SPAG16: variants seen among roughly 807,000 people sequenced by gnomAD.
SPAG16 encodes sperm associated antigen 16, also known as sperm-associated antigen 16 protein.
SPAG16 carries 86 observed loss-of-function variants against 80.4 expected under a neutral mutation model. The observed-to-expected ratio is 1.07, with a 90% CI of 0.90 to 1.28. The LOEUF (loss-of-function observed/expected upper bound fraction) is 1.28. Among genes scored for constraint, SPAG16 ranks in the 50% most tolerant of loss-of-function variants. The pLI is 0.00. For synonymous variants in SPAG16, 294 were observed against 265.9 expected (o/e 1.11, Z -1.03); for missense variants, 870 against 765.3 (o/e 1.14, Z -1.61).
At chr2:213,314,250 A>T (rs758351205) in intron 4 of SPAG16, among the ~76,000 whole-genome samples, 11 of 151,862 alleles carry the variant, frequency 7.2e-5, no homozygotes, top group Non-Finnish European at 1.2e-4. Flanking sequence ...ATTAGTGATA[A>T]TTTTATTGGC....
intron 14 of SPAG16, among the ~76,000 whole-genome samples, chr2:214,125,645 A>T (rs2054437446): frequency 1.3e-5 from 2 of 151,796 alleles, no homozygotes; most frequent in Admixed American, 6.7e-5. Flanking sequence ...CTGTTTTTAT[A>T]AATCAAATTA....
chr2:213,465,409 T>C (rs557167058), intron 9 of SPAG16, among the ~76,000 whole-genome samples: 1 of 152,290 alleles, frequency 6.6e-6, no homozygotes, highest in African/African-American at 2.4e-5. Flanking sequence ...ATTCTGTCTG[T>C]AAAGAGAGTC....
At chr2:214,216,648 G>A (rs1334565899) in intron 15 of SPAG16, among the ~76,000 whole-genome samples, 1 of 152,138 alleles carries the variant, frequency 6.6e-6, no homozygotes, top group Non-Finnish European at 1.5e-5. Flanking sequence ...ATGAAATCTT[G>A]GAGCACAGTA....
intron 14 of SPAG16, among the ~76,000 whole-genome samples, chr2:214,133,722 A>G (rs2054903667): frequency 6.6e-6 from 1 of 152,140 alleles, no homozygotes; most frequent in African/African-American, 2.4e-5. Context: ...GAAGTGAGGA[A>G]GTTCACTGCA....
At chr2:213,351,886 C>T (rs1310811879) in intron 7 of SPAG16, among the ~76,000 whole-genome samples, 3 of 151,972 alleles carry the variant, frequency 2.0e-5, no homozygotes, top group Non-Finnish European at 2.9e-5. Context: ...GGCTGTGTCC[C>T]CATCCAAATC....
At chr2:213,802,673 G>A (rs1394797613) in intron 10 of SPAG16, among the ~76,000 whole-genome samples, 2 of 152,080 alleles carry the variant, frequency 1.3e-5, no homozygotes, top group African/African-American at 2.4e-5. Flanking sequence ...ATAACATTAA[G>A]AGTATTCATG....
intron 10 of SPAG16, among the ~76,000 whole-genome samples, chr2:213,658,524 G>C (rs968779564): frequency 3.3e-5 from 5 of 152,178 alleles, no homozygotes; most frequent in Non-Finnish European, 7.3e-5. Flanking sequence ...GGCAAGCACT[G>C]TTCTAAGCAC....
At chr2:213,849,396 G>T (rs904459419) in intron 10 of SPAG16, among the ~76,000 whole-genome samples, 1 of 152,100 alleles carries the variant, frequency 6.6e-6, no homozygotes, top group South Asian at 2.1e-4. Flanking sequence ...CATGAGATTT[G>T]TTGGAAACAA....
chr2:213,786,651 G>C (rs2070361540), intron 10 of SPAG16, among the ~76,000 whole-genome samples: 3 of 152,192 alleles, frequency 2.0e-5, no homozygotes, highest in Admixed American at 2.0e-4. Context: ...TATGCAAACT[G>C]TGTATTCATA....
intron 10 of SPAG16, among the ~76,000 whole-genome samples, chr2:213,764,057 C>G (rs1243580336): frequency 1.3e-5 from 2 of 152,190 alleles, no homozygotes; most frequent in Non-Finnish European, 2.9e-5. Flanking sequence ...AAGATACCCT[C>G]AAAGACTCAG....
chr2:213,977,922 C>A (rs904398881), intron 12 of SPAG16, among the ~76,000 whole-genome samples: 16 of 152,004 alleles, frequency 1.1e-4, no homozygotes, highest in Admixed American at 3.3e-4. Flanking sequence ...CTCTTCTCTA[C>A]CCTCTTCCAC....
At chr2:214,157,515 G>A (rs887456028) in intron 15 of SPAG16, among the ~76,000 whole-genome samples, 14 of 151,958 alleles carry the variant, frequency 9.2e-5, no homozygotes, top group Admixed American at 7.9e-4. Flanking sequence ...TAATAATGGG[G>A]ACACCTTGAA....
In SPAG16 at chr2:214,181,731, A is replaced by C. The variant is rs568333802; in HGVS notation, c.1720+32465A>C. Among the ~76,000 whole-genome samples, 16 of 151,940 alleles carry C rather than the reference A, an allele frequency of 1.1e-4. No individual in the cohort carries two copies. The South Asian group carries it at 2.9e-3, about 28-fold the overall frequency. On this transcript the variant is annotated intron_variant, in intron 15 of 15. Coordinates refer to ENST00000331683, the MANE Select transcript of SPAG16 (RefSeq NM_024532.5). ...CATTGTCACTTCCATAAGATGTAAA[A>C]TTGTATATTTTAGCCCAGCAAGTAC... is the stretch of plus-strand genomic sequence containing the variant.
chr2:214,257,402 A>G (rs997944906), intron 15 of SPAG16, among the ~76,000 whole-genome samples: 2 of 151,998 alleles, frequency 1.3e-5, no homozygotes, highest in Non-Finnish European at 2.9e-5. Flanking sequence ...TAAGACCTCC[A>G]GTAAAATGTT....
chr2:214,091,556 G>A (rs1021078153), intron 13 of SPAG16, among the ~76,000 whole-genome samples: 1 of 152,080 alleles, frequency 6.6e-6, no homozygotes, highest in African/African-American at 2.4e-5. Context: ...TTAGAACCAC[G>A]CCTGGCATAT....
chr2:213,942,403 C>T (rs1417712124), intron 12 of SPAG16, among the ~76,000 whole-genome samples: 1 of 152,202 alleles, frequency 6.6e-6, no homozygotes, highest in African/African-American at 2.4e-5. Flanking sequence ...CTCACTTTTT[C>T]TCTGAGTGAC....
At chr2:213,357,241 G>C (rs2065709704) in intron 7 of SPAG16, among the ~76,000 whole-genome samples, 1 of 152,098 alleles carries the variant, frequency 6.6e-6, no homozygotes, top group Non-Finnish European at 1.5e-5. Flanking sequence ...TTTTGATTTG[G>C]GGTAGAGAGT....
At chr2:213,796,913 C>T (rs1429023447) in intron 10 of SPAG16, among the ~76,000 whole-genome samples, 5 of 118,322 alleles carry the variant, frequency 4.2e-5, no homozygotes, top group Non-Finnish European at 7.8e-5. Flanking sequence ...ATGACAGCTG[C>T]ATGCATGTTA....
chr2:214,299,481 CTCA>C (rs1434792995), intron 15 of SPAG16, among the ~76,000 whole-genome samples: 2 of 151,892 alleles, frequency 1.3e-5, no homozygotes, highest in African/African-American at 4.8e-5. Flanking sequence ...ATCTCTTGAC[CTCA>C]TCATTCGCCT....
Sources: gnomAD v4.1 joint callset for allele counts (sites outside exome capture counted in the v4.1 genomes callset) on GRCh38, gnomAD v4.1.1 for gene constraint, MANE v1.5 for transcripts, NCBI Gene and HGNC (gene_info 2026-07-23, HGNC 2026-07-21) for gene names.